ZWILCH: variants seen among roughly 807,000 people sequenced by gnomAD.
The protein encoded by ZWILCH is zwilch kinetochore protein.
Under a neutral mutation model 79.9 loss-of-function variants are expected in ZWILCH, and 74 were observed. That is an observed-to-expected ratio of 0.93 (90% CI 0.77 to 1.12). The LOEUF (loss-of-function observed/expected upper bound fraction) is 1.12, where lower values mean the gene tolerates loss of function less well. Among genes scored for constraint, ZWILCH ranks in the 50% most tolerant of loss-of-function variants. The pLI, the probability that ZWILCH is intolerant of heterozygous loss-of-function variation, is 0.00. For synonymous variants in ZWILCH, 241 were observed against 228.2 expected (o/e 1.06, Z -0.51); for missense variants, 694 against 687.5 (o/e 1.01, Z -0.11).
At chr15:66,540,385 C>G (rs1895156272) in intron 17 of ZWILCH, among the ~76,000 whole-genome samples, 175 bp downstream of exon 17, 1 of 151,998 alleles carries the variant, frequency 6.6e-6, no homozygotes, top group Non-Finnish European at 1.5e-5. Context: ...AACCCCATCT[C>G]TACTAAAAAT....
intron 5 of ZWILCH, 138 bp from the exon 6 acceptor site, chr15:66,520,452 T>G: frequency 1.6e-6 from 1 of 638,562 alleles, no homozygotes; most frequent in Non-Finnish European, 2.9e-6. Flanking sequence ...ATTTCACTTA[T>G]CTGTGATTTA....
At chr15:66,509,000 C>T (rs1595901186) in intron 2 of ZWILCH, 108 bp downstream of exon 2, 10 of 1,208,720 alleles carry the variant, frequency 8.3e-6, no homozygotes, top group East Asian at 5.3e-5. Context: ...AGTGCAGTGG[C>T]GCGATCTCGG....
chr15:66,534,908 C>T (rs1429861070), intron 14 of ZWILCH, among the ~76,000 whole-genome samples: 20 of 152,116 alleles, frequency 1.3e-4, no homozygotes, highest in Admixed American at 1.3e-3. Context: ...AACTTTTTTA[C>T]ATTATAAACT....
At chr15:66,520,284 C>T (rs1894445298) in intron 5 of ZWILCH, among the ~76,000 whole-genome samples, 1 of 151,010 alleles carries the variant, frequency 6.6e-6, no homozygotes, top group African/African-American at 2.4e-5. Context: ...CCACACCTGG[C>T]TGTTTTTTTA....
intron 2 of ZWILCH, 124 bp from the exon 3 acceptor site, chr15:66,513,864 C>T (rs1481573210): frequency 7.9e-6 from 5 of 633,032 alleles, no homozygotes; most frequent in Non-Finnish European, 1.3e-5. Flanking sequence ...AGCCACCGTG[C>T]CCGGCCGAGA....
At chr15:66,531,241 T>G (rs1894842981) in intron 12 of ZWILCH, among the ~76,000 whole-genome samples, 2 of 152,238 alleles carry the variant, frequency 1.3e-5, no homozygotes, top group Non-Finnish European at 2.9e-5. Flanking sequence ...GGGAGCTTGT[T>G]TAACTGCAGC....
chr15:66,532,189 C>G, intron 12 of ZWILCH, 58 bp from the exon 13 acceptor site: 1 of 1,346,498 alleles, frequency 7.4e-7, no homozygotes, highest in Non-Finnish European at 9.9e-7. Flanking sequence ...TTCTCTTTTA[C>G]TTGTTGGGTT....
chr15:66,525,488 A>G (rs1894639678), intron 8 of ZWILCH, among the ~76,000 whole-genome samples: 1 of 152,076 alleles, frequency 6.6e-6, no homozygotes, highest in Admixed American at 6.6e-5. Context: ...CCCCATACAT[A>G]TACAATTCTT....
intron 17 of ZWILCH, among the ~76,000 whole-genome samples, chr15:66,543,102 G>A (rs1456160870): frequency 6.6e-6 from 1 of 152,182 alleles, no homozygotes; most frequent in African/African-American, 2.4e-5. Flanking sequence ...GGGATGCTGA[G>A]TCAGGAGAAT....
intron 17 of ZWILCH, among the ~76,000 whole-genome samples, chr15:66,544,125 C>A (rs1033250382): frequency 4.0e-5 from 6 of 151,716 alleles, no homozygotes; most frequent in African/African-American, 1.5e-4. Context: ...GGCATGGTGG[C>A]GCATGCCTGT....
intron 8 of ZWILCH, 84 bp from the exon 9 acceptor site, chr15:66,527,206 A>G: frequency 2.1e-6 from 2 of 964,772 alleles, no homozygotes; most frequent in East Asian, 2.5e-5. Context: ...TGTTACTGCA[A>G]TTAATATTAT....
Position 66,528,959 on chromosome 15 carries a change from T to A in ZWILCH, c.1075+2T>A, listed in dbSNP as rs1296155825. On this transcript the variant is annotated splice_donor_variant, in intron 11 of 18. Coordinates refer to ENST00000307897, the MANE Select transcript of ZWILCH (RefSeq NM_017975.5). LOFTEE classifies it high-confidence loss of function. Reference sequence around the variant, plus strand: ...AACTGTGGTGCAAAATGAGCAGTAGTAGGTGTCCATCATGATTTAAATTTT... The same window carrying A: ...AACTGTGGTGCAAAATGAGCAGTAGAAGGTGTCCATCATGATTTAAATTTT... 1.2e-6 allele frequency: 2 copies of A among 1,609,302 alleles called. No individual in the cohort carries two copies. Among genetic ancestry groups the A allele is most frequent in the Non-Finnish European group, 1.7e-6 (2 of 1,176,130 alleles).
chr15:66,522,305 A>G (rs930041845), intron 7 of ZWILCH, among the ~76,000 whole-genome samples: 3 of 151,828 alleles, frequency 2.0e-5, no homozygotes, highest in African/African-American at 7.3e-5. Context: ...AATGTTCAGT[A>G]GGGAATAGTT....
At chr15:66,518,809 T>G (rs377542931) in intron 4 of ZWILCH, 70 bp from the exon 5 acceptor site, 2 of 1,430,722 alleles carry the variant, frequency 1.4e-6, no homozygotes, top group Admixed American at 1.8e-5. Flanking sequence ...AGACCCTGTC[T>G]CTCAGAAATT....
chr15:66,535,887 C>A (rs1239664797), intron 14 of ZWILCH, 46 bp from the exon 15 acceptor site: 19 of 1,550,178 alleles, frequency 1.2e-5, no homozygotes, highest in Non-Finnish European at 1.6e-5. Flanking sequence ...ACAAAGGTTA[C>A]ACAGGTGCTT....
chr15:66,546,633 T>C lies in ZWILCH; in HGVS notation c.1730T>C (p.Ile577Thr), dbSNP rs773597871. 6.8e-6 allele frequency: 11 copies of C among 1,609,732 alleles called. No individual in the cohort carries two copies. Among genetic ancestry groups the C allele is most frequent in the Middle Eastern group, 1.6e-4 (1 of 6,072 alleles). Residue 577 changes from isoleucine to threonine, a missense_variant, in exon 18 of 19, where the codon ATA becomes ACA. Coordinates refer to ENST00000307897, the MANE Select transcript of ZWILCH (RefSeq NM_017975.5). ...LTLNGSLEER[I>T]FFTNMVTCSQ... Reference sequence around the variant, plus strand: ...CTAAACGGTAGCCTGGAAGAAAGGATATTCTTTACTAACATGGTTACCTGC... The same window carrying C: ...CTAAACGGTAGCCTGGAAGAAAGGACATTCTTTACTAACATGGTTACCTGC...
At chr15:66,522,866 A>G (rs910220711) in intron 7 of ZWILCH, among the ~76,000 whole-genome samples, 5 of 152,096 alleles carry the variant, frequency 3.3e-5, no homozygotes, top group African/African-American at 9.7e-5. Context: ...ACTGTCACCC[A>G]GGCTGGAGTG....
chr15:66,505,435 T>A, intron 1 of ZWILCH, 44 bp downstream of exon 1: 1 of 1,608,304 alleles, frequency 6.2e-7, no homozygotes. Flanking sequence ...GGGACAGCAC[T>A]TCTTTCCCTG....
At chr15:66,511,739 C>A (rs973519276) in intron 2 of ZWILCH, among the ~76,000 whole-genome samples, 10 of 152,010 alleles carry the variant, frequency 6.6e-5, no homozygotes, top group Non-Finnish European at 1.5e-4. Context: ...CTTCAGCCTC[C>A]CAAGTAGCTG....
Sources: allele counts gnomAD v4.1 joint callset (sites outside exome capture counted in the v4.1 genomes callset), GRCh38; gene constraint gnomAD v4.1.1; transcripts MANE v1.5; gene names NCBI Gene and HGNC (gene_info 2026-07-23, HGNC 2026-07-21).